The following COL25A1 variants were observed in gnomAD, a reference collection of about 807,000 sequenced individuals.
The protein encoded by COL25A1 is collagen alpha-1(XXV) chain.
Under a neutral mutation model 128.4 loss-of-function variants are expected in COL25A1, and 103 were observed. The ratio of observed to expected loss-of-function variants is 0.80; its 90% CI spans 0.68 to 0.94. The LOEUF (loss-of-function observed/expected upper bound fraction) is 0.94. Among genes scored for constraint, COL25A1 ranks in the 40% least tolerant of loss-of-function variants. The pLI is 0.00. For missense variants in COL25A1, 745 were observed against 840.0 expected (o/e 0.89, Z 1.40); for synonymous variants, 279 against 277.2 (o/e 1.01, Z -0.06).
At chr4:109,060,395 C>G (rs957508627) in intron 3 of COL25A1, among the ~76,000 whole-genome samples, 1 of 152,102 alleles carries the variant, frequency 6.6e-6, no homozygotes, top group African/African-American at 2.4e-5. Context: ...CCCCCTTGAC[C>G]CCCACCTCAT....
chr4:109,168,658 A>T (rs1773293947), intron 3 of COL25A1, among the ~76,000 whole-genome samples: 2 of 152,150 alleles, frequency 1.3e-5, no homozygotes, highest in Admixed American at 1.3e-4. Context: ...ATATCATATT[A>T]AAGTGTCCTT....
At chr4:109,132,704 T>C (rs956844938) in intron 3 of COL25A1, among the ~76,000 whole-genome samples, 2 of 152,112 alleles carry the variant, frequency 1.3e-5, no homozygotes, top group Middle Eastern at 3.2e-3. Flanking sequence ...TTTCTGAAGG[T>C]AAGAAAGTAG....
intron 3 of COL25A1, among the ~76,000 whole-genome samples, chr4:109,167,624 T>G (rs1773193393): frequency 6.6e-6 from 1 of 152,172 alleles, no homozygotes. Flanking sequence ...GCTTCCCTTC[T>G]TCCCCACTTT....
chr4:109,083,448 A>T lies in COL25A1; in HGVS notation c.368-33269T>A, dbSNP rs1003980738. ...CACCAATAACTTTTACACTAAATAA[A>T]TTTTTTTTTTTTTTTTTTTTTTTTT... On this transcript the variant is annotated intron_variant, in intron 3 of 37. Transcript: ENST00000399132. Among the ~76,000 whole-genome samples the T allele has an allele frequency of 3.9e-4, 30 of 77,064 alleles. 1 individual carries two copies. The highest frequency in any genetic ancestry group is 1.8e-3 in the Admixed American group (9 of 4,912). 50.6% of individuals were successfully genotyped at this position (77,064 alleles called of 152,430 possible). A position where few individuals can be genotyped will look rare whatever the true frequency, so the allele number is the denominator to read the frequency against.
At chr4:109,088,435 G>A (rs1282134357) in intron 3 of COL25A1, among the ~76,000 whole-genome samples, 1 of 152,098 alleles carries the variant, frequency 6.6e-6, no homozygotes, top group Non-Finnish European at 1.5e-5. Context: ...TGACAATTTA[G>A]AATTGTATAA....
At chr4:109,024,162 TA>T (rs558057459) in intron 5 of COL25A1, among the ~76,000 whole-genome samples, 76 of 152,200 alleles carry the variant, frequency 5.0e-4, no homozygotes, top group Middle Eastern at 6.8e-3. Flanking sequence ...TGAGAACATT[TA>T]AAGTAAGCTA....
At chr4:108,899,110 G>A (rs1402423437) in intron 15 of COL25A1, 44 bp downstream of exon 15, 1 of 1,590,906 alleles carries the variant, frequency 6.3e-7, no homozygotes, top group Non-Finnish European at 8.6e-7. Flanking sequence ...GTATGCTGGT[G>A]GTGGGGAGTA....
chr4:109,136,341 G>A (rs1020194752), intron 3 of COL25A1, among the ~76,000 whole-genome samples: 4 of 152,202 alleles, frequency 2.6e-5, no homozygotes, highest in Non-Finnish European at 4.4e-5. Context: ...GGAGGTTGCA[G>A]TGAGCCGAGA....
At chr4:109,158,627 GATC>G (rs1388970298) in intron 3 of COL25A1, among the ~76,000 whole-genome samples, 3 of 152,186 alleles carry the variant, frequency 2.0e-5, no homozygotes, top group African/African-American at 4.8e-5. Context: ...AGGGGACAGA[GATC>G]ATGGACAATT....
intron 5 of COL25A1, among the ~76,000 whole-genome samples, chr4:109,014,093 G>C (rs1756975316): frequency 6.6e-6 from 1 of 152,166 alleles, no homozygotes; most frequent in South Asian, 2.1e-4. Flanking sequence ...GTTCACTTGA[G>C]GTCAGGGGTT....
At chr4:108,825,114 A>G in intron 34 of COL25A1, 82 bp downstream of exon 34, 2 of 1,143,212 alleles carry the variant, frequency 1.7e-6, no homozygotes, top group East Asian at 2.4e-5. Flanking sequence ...CAGAAAAAAA[A>G]GAAGTATTCT....
chr4:108,902,772 T>C (rs183355268), intron 13 of COL25A1, among the ~76,000 whole-genome samples: 3 of 151,944 alleles, frequency 2.0e-5, no homozygotes. Flanking sequence ...CTTGGTAAAA[T>C]GGGAAAAAAT....
At chr4:109,010,312 G>A (rs1166655303) in intron 6 of COL25A1, 46 bp downstream of exon 6, 1 of 1,503,598 alleles carries the variant, frequency 6.7e-7, no homozygotes. Flanking sequence ...TCCACACTGG[G>A]AAAATCCTAA....
chr4:108,994,661 C>G (rs572816643), intron 6 of COL25A1, among the ~76,000 whole-genome samples: 2 of 152,328 alleles, frequency 1.3e-5, no homozygotes, highest in South Asian at 4.1e-4. Context: ...ACTGCTGCCT[C>G]AAGCGGGTCC....
intron 6 of COL25A1, among the ~76,000 whole-genome samples, chr4:108,990,239 A>AATATATATATATAT (rs1331433908): frequency 1.1e-4 from 3 of 26,358 alleles, no homozygotes; most frequent in African/African-American, 5.0e-4. Flanking sequence ...AAAAAAAAAA[A>AATATATATATATAT]ATATATATAT....
rs1407754364 is a variant in COL25A1 at position 109,294,251 on chromosome 4, T to A, written c.367+6332A>T. Among the ~76,000 whole-genome samples the A allele has an allele frequency of 5.3e-5, 8 of 152,090 alleles. No individual in the cohort carries two copies. In the South Asian group the frequency reaches 1.7e-3, roughly 31 times the overall value. ...CAAAGGGGAGGTGCCTGCCATCTGGTGCCATTTCCTCAATGGCTCCTTTCA... is the reference window on the plus strand; with the variant it reads ...CAAAGGGGAGGTGCCTGCCATCTGGAGCCATTTCCTCAATGGCTCCTTTCA... On this transcript the variant is annotated intron_variant, in intron 3 of 37. Coordinates refer to ENST00000399132, the MANE Select transcript of COL25A1 (RefSeq NM_198721.4).
At chr4:109,191,456 G>A (rs919076647) in intron 3 of COL25A1, among the ~76,000 whole-genome samples, 1 of 152,126 alleles carries the variant, frequency 6.6e-6, no homozygotes, top group Non-Finnish European at 1.5e-5. Flanking sequence ...CTTGGCAGCT[G>A]CTCAAAAGAT....
chr4:109,141,422 T>C (rs919334042), intron 3 of COL25A1, among the ~76,000 whole-genome samples: 3 of 152,188 alleles, frequency 2.0e-5, no homozygotes, highest in Non-Finnish European at 2.9e-5. Flanking sequence ...CTGCCAGGTT[T>C]TGGTATCAGG....
intron 6 of COL25A1, among the ~76,000 whole-genome samples, chr4:108,986,521 G>C (rs1310656540): frequency 6.6e-6 from 1 of 152,146 alleles, no homozygotes; most frequent in Non-Finnish European, 1.5e-5. Flanking sequence ...GAACATAGGG[G>C]AACAAGTTAA....
Sources: allele counts gnomAD v4.1 joint callset (sites outside exome capture counted in the v4.1 genomes callset), GRCh38; gene constraint gnomAD v4.1.1; transcripts MANE v1.5; gene names NCBI Gene and HGNC (gene_info 2026-07-23, HGNC 2026-07-21).